The following TKTL1 variants were observed in gnomAD, a reference collection of about 807,000 sequenced individuals.
The protein encoded by TKTL1 is transketolase-like protein 1.
In TKTL1, 1 loss-of-function variant was observed where a neutral mutation model predicts 39.3. That is an observed-to-expected ratio of 0.03 (90% confidence interval 0.01 to 0.12). TKTL1 has a LOEUF of 0.12. Ranked by LOEUF, TKTL1 falls within the 10% of genes least tolerant of loss-of-function variation. The pLI, the probability that TKTL1 is intolerant of heterozygous loss-of-function variation, is 1.00. For missense variants in TKTL1, 575 were observed against 509.6 expected, an observed-to-expected ratio of 1.13 and a Z score of -1.24; for synonymous variants, 262 against 193.8, an observed-to-expected ratio of 1.35 and a Z score of -2.92.
intron 12 of TKTL1, among the ~76,000 whole-genome samples, chrX:154,328,745 G>T (rs1382632780): frequency 2.7e-5 from 3 of 109,984 alleles, no homozygotes; most frequent in East Asian, 2.8e-4. Context: ...TGCGGCAGGG[G>T]CCCTCTGAGC....
Position 154,327,843 on chromosome X carries a change from T to C in TKTL1, c.1503T>C (p.Ile501=), listed in dbSNP as rs149204811. Reference sequence around the variant, plus strand: ...CTGGTTTTTGCTGTTCTGCAGATATTTTTATCCGTGTCATCGACCTGTTTA... The same window carrying C: ...CTGGTTTTTGCTGTTCTGCAGATATCTTTATCCGTGTCATCGACCTGTTTA... ...AAADELSKQD[I]FIRVIDLFTI... The change falls in exon 12 of 13, where the codon ATT becomes ATC. Residue 501 remains isoleucine (I), a synonymous_variant. Transcript: ENST00000369915. 1 of 1,211,902 alleles carries C rather than the reference T, an allele frequency of 8.3e-7. No homozygotes were observed. The highest frequency in any genetic ancestry group is 1.1e-6 in the Non-Finnish European group (1 of 895,507).
Position 154,310,985 on chromosome X carries a change from A to C in TKTL1, c.500A>C (p.Glu167Ala), listed in dbSNP as rs2067352665. 2 of 1,211,964 alleles carry C rather than the reference A, an allele frequency of 1.7e-6. No individual in the cohort carries two copies. The highest frequency in any genetic ancestry group is 3.5e-5 in the African/African-American group (2 of 57,827). ...GGACACAGTGGTGCATTGCCCGCCG[A>C]GCACTGCATAAACATCTATCAGAGG... is the stretch of plus-strand genomic sequence containing the variant. Reference protein sequence around the residue: ...RLGHSGALPAEHCINIYQRRC... With the variant: ...RLGHSGALPAAHCINIYQRRC... Residue 167 changes from glutamate to alanine, a missense_variant, in exon 4 of 13, where the codon GAG (glutamate) becomes GCG (alanine). Coordinates refer to ENST00000369915, the MANE Select transcript of TKTL1 (RefSeq NM_012253.4).
In TKTL1 at chrX:154,321,411, G is replaced by C. The variant is rs6643844; in HGVS notation, c.1186+498G>C. On this transcript the variant is annotated intron_variant, in intron 8 of 12. Transcript: ENST00000369915. ...TTACAAACACACCCTTCTCAGAGTA[G>C]TAGTCACCTGGCAGGTGGGCTAGAA... Among the ~76,000 whole-genome samples the C allele has an allele frequency of 2.3e-3, 233 of 103,322 alleles. 2 individuals carry two copies. In the East Asian group the frequency reaches 0.049, roughly 22 times the overall value. The allele number at this position is 103,322 out of a possible 115,157, so 89.7% of individuals were successfully genotyped here.
chrX:154,302,568 G>A (rs1228941810), intron 1 of TKTL1, among the ~76,000 whole-genome samples: 2 of 111,260 alleles, frequency 1.8e-5, no homozygotes, highest in Non-Finnish European at 3.8e-5. Flanking sequence ...CTCTCACAGC[G>A]TAATCACCTC....
intron 1 of TKTL1, among the ~76,000 whole-genome samples, chrX:154,299,710 A>C (rs1277887044): frequency 1.8e-5 from 2 of 111,269 alleles, no homozygotes; most frequent in Non-Finnish European, 3.8e-5. Context: ...TTGGTTTTCT[A>C]TTCCTGAGTT....
chrX:154,328,602 G>A (rs1050020510), intron 12 of TKTL1, among the ~76,000 whole-genome samples: 4 of 86,065 alleles, frequency 4.6e-5, no homozygotes, highest in Admixed American at 1.4e-4. Context: ...AGTGTGCCCC[G>A]ACGAAAGCAG....
At position 154,323,225 on chromosome X, in the gene TKTL1, A is replaced by G; in HGVS notation, c.1205A>G (p.Gln402Arg). ...CTCTCAGGTGACGATGGTGCTTCCC[A>G]GATGGCCCTGGAGGATATAGCCATG... is the stretch of plus-strand genomic sequence containing the variant. ...GVSVGDDGASQMALEDIAMFR... is the reference protein window; with the variant it reads ...GVSVGDDGASRMALEDIAMFR... The change falls in exon 9 of 13, where the codon CAG becomes CGG. Residue 402 changes from glutamine (Q) to arginine (R), a missense_variant. Transcript: ENST00000369915. 1 of 1,210,982 alleles carries G rather than the reference A, an allele frequency of 8.3e-7. No individual in the cohort carries two copies. The highest frequency in any genetic ancestry group is 1.1e-6 in the Non-Finnish European group (1 of 895,198).
intron 7 of TKTL1, among the ~76,000 whole-genome samples, chrX:154,319,388 T>C (rs1440760771): frequency 2.7e-5 from 3 of 111,757 alleles, no homozygotes; most frequent in African/African-American, 9.8e-5. Context: ...CCTGTAAGAG[T>C]CAGGTGGCTG....
At chrX:154,299,660 C>G (rs181440246) in intron 1 of TKTL1, among the ~76,000 whole-genome samples, 2 of 111,226 alleles carry the variant, frequency 1.8e-5, no homozygotes, top group Non-Finnish European at 3.8e-5. Context: ...TTATATCACT[C>G]CAAAACTTAG....
intron 6 of TKTL1, among the ~76,000 whole-genome samples, chrX:154,314,278 T>C (rs2067380205): frequency 8.9e-6 from 1 of 111,808 alleles, no homozygotes; most frequent in South Asian, 3.7e-4. Flanking sequence ...GTGACAAAGC[T>C]AGCCTAAAGA....
intron 5 of TKTL1, 117 bp from the exon 6 acceptor site, chrX:154,312,463 G>T: frequency 1.4e-6 from 1 of 720,949 alleles, no homozygotes; most frequent in Non-Finnish European, 2.0e-6. Flanking sequence ...TGTGCCAGGT[G>T]TTCCTCCTGT....
intron 2 of TKTL1, among the ~76,000 whole-genome samples, chrX:154,308,143 A>G (rs1557167591): frequency 1.8e-5 from 2 of 111,925 alleles, no homozygotes; most frequent in African/African-American, 3.2e-5. Context: ...AGGTGGGGCC[A>G]AGCATCTGGA....
chrX:154,329,610 G>A lies in TKTL1; in HGVS notation c.1713G>A (p.Lys571=). 8.3e-7 allele frequency: 1 copy of A among 1,212,012 alleles called. No homozygotes were observed. The highest frequency in any genetic ancestry group is 1.1e-6 in the Non-Finnish European group (1 of 895,448). The part of the protein sequence containing the change: ...LAVSGVPQSG[K]SEELLDMYGI... ...TGTCGGGAGTGCCCCAGAGTGGGAA[G>A]TCCGAGGAATTGCTGGATATGTATG... is the stretch of plus-strand genomic sequence containing the variant. Residue 571 remains lysine (K), a synonymous_variant, in exon 13 of 13, where the codon AAG becomes AAA. Transcript: ENST00000369915.
chrX:154,309,507 G>A, intron 3 of TKTL1, 65 bp downstream of exon 3: 1 of 950,688 alleles, frequency 1.1e-6, no homozygotes, highest in South Asian at 2.0e-5. Flanking sequence ...AGAGTCTCGG[G>A]GGGCAGCCAC....
intron 6 of TKTL1, 98 bp from the exon 7 acceptor site, chrX:154,315,075 A>T: frequency 1.1e-6 from 1 of 931,628 alleles, no homozygotes; most frequent in Non-Finnish European, 1.5e-6. Flanking sequence ...AAGATAGATG[A>T]TAATTTGTCA....
At chrX:154,320,431 C>T (rs1037828160) in intron 7 of TKTL1, 74 of 278,951 alleles carry the variant, frequency 2.7e-4, no homozygotes, top group Non-Finnish European at 3.8e-4. Flanking sequence ...AGCTGCATGG[C>T]TGGAGACCCC....
At position 154,329,609 on chromosome X, in the gene TKTL1, A is replaced by C; in HGVS notation, c.1712A>C (p.Lys571Thr). The C allele has an allele frequency of 1.7e-6, 2 of 1,212,019 alleles. No homozygotes were observed. Among genetic ancestry groups the C allele is most frequent in the Non-Finnish European group, 2.2e-6 (2 of 895,502 alleles). ...LAVSGVPQSG[K>T]SEELLDMYGI... ...GTGTCGGGAGTGCCCCAGAGTGGGAAGTCCGAGGAATTGCTGGATATGTAT... is the reference window on the plus strand; with the variant it reads ...GTGTCGGGAGTGCCCCAGAGTGGGACGTCCGAGGAATTGCTGGATATGTAT... The change falls in exon 13 of 13, where the codon AAG (lysine) becomes ACG (threonine). Residue 571 changes from lysine to threonine, a missense_variant. By Grantham distance (78) the Lys-to-Thr change is moderately conservative (BLOSUM62 -1). Coordinates refer to ENST00000369915, the MANE Select transcript of TKTL1 (RefSeq NM_012253.4).
At chrX:154,319,277 A>G (rs1465626561) in intron 7 of TKTL1, among the ~76,000 whole-genome samples, 1 of 112,504 alleles carries the variant, frequency 8.9e-6, no homozygotes, top group Non-Finnish European at 1.9e-5. Flanking sequence ...CAGAGTTGAC[A>G]GTTTCATTAA....
intron 9 of TKTL1, 74 bp downstream of exon 9, chrX:154,323,411 CT>C (rs201543735): frequency 2.2e-5 from 24 of 1,075,506 alleles, no homozygotes; most frequent in South Asian, 1.7e-4. Context: ...GATGATTGGA[CT>C]TTTTTTTCTC....
Sources: allele counts gnomAD v4.1 joint callset (sites outside exome capture counted in the v4.1 genomes callset), GRCh38; gene constraint gnomAD v4.1.1; transcripts MANE v1.5; gene names NCBI Gene and HGNC (gene_info 2026-07-23, HGNC 2026-07-21).